The following FRMD6 variants were observed in gnomAD, a reference collection of about 807,000 sequenced individuals.
FRMD6 encodes FERM domain-containing protein 6.
In FRMD6, 37 loss-of-function variants were observed where a neutral mutation model predicts 73.2. The observed-to-expected ratio is 0.51, with a 90% confidence interval of 0.39 to 0.66. The LOEUF is 0.66. Ranked by LOEUF, FRMD6 falls within the 30% of genes least tolerant of loss-of-function variation. FRMD6 has a pLI of 0.00. For synonymous variants in FRMD6, 273 were observed against 282.2 expected, an observed-to-expected ratio of 0.97 and a Z score of 0.33; for missense variants, 714 against 780.5, an observed-to-expected ratio of 0.91 and a Z score of 1.02.
intron 1 of FRMD6, among the ~76,000 whole-genome samples, chr14:51,547,132 CCA>C (rs1388324398): frequency 1.3e-5 from 2 of 151,932 alleles, no homozygotes; most frequent in Non-Finnish European, 2.9e-5. Context: ...TTTAAAAATT[CCA>C]CAGTGTTTTG....
At chr14:51,423,337 G>A in the FRMD6 span, among the ~76,000 whole-genome samples, 3 of 152,208 alleles carry the variant, frequency 2.0e-5, no homozygotes, top group Non-Finnish European at 4.4e-5. Flanking sequence ...ACTGTCTGAA[G>A]GATCCACGCA....
At chr14:51,589,837 G>A (rs1031990034) in intron 2 of FRMD6, among the ~76,000 whole-genome samples, 4 of 152,220 alleles carry the variant, frequency 2.6e-5, no homozygotes, top group Non-Finnish European at 5.9e-5. Flanking sequence ...GGGAGGCTGA[G>A]GCGGGTGGAT....
chr14:51,702,637 CT>C, intron 5 of FRMD6, 49 bp downstream of exon 5: 2 of 1,384,278 alleles, frequency 1.4e-6, no homozygotes, highest in Non-Finnish European at 1.0e-6. Flanking sequence ...CCCCATAGCA[CT>C]TTTTCTAACA....
rs11848356 is a variant in FRMD6, at chr14:51,673,237, C to G, written c.-146-16454C>G. Among the ~76,000 whole-genome samples, 400 of 151,784 alleles carry G rather than the reference C, an allele frequency of 2.6e-3. 1 individual carries two copies. The highest frequency in any genetic ancestry group is 9.2e-3 in the African/African-American group (382 of 41,450). ...AGGAATTGTTTGACCTATTGCTTGT[C>G]GAAGATTCTTTCCTCTGCCTTGTGG... On this transcript the variant is annotated intron_variant, in intron 1 of 13. Transcript: ENST00000344768.
At chr14:51,469,440 C>T in the FRMD6 span, among the ~76,000 whole-genome samples, 1 of 150,274 alleles carries the variant, frequency 6.7e-6, no homozygotes, top group Admixed American at 6.6e-5. Context: ...GGTGAAACCC[C>T]ATCTCTACTA....
intron 1 of FRMD6, among the ~76,000 whole-genome samples, chr14:51,687,988 G>A (rs1895284598): frequency 6.6e-6 from 1 of 152,134 alleles, no homozygotes; most frequent in Non-Finnish European, 1.5e-5. Flanking sequence ...TGGAGATTCT[G>A]TATGAATAGA....
intron 1 of FRMD6, among the ~76,000 whole-genome samples, chr14:51,676,137 G>A (rs1894373075): frequency 1.3e-5 from 2 of 151,956 alleles, no homozygotes; most frequent in African/African-American, 2.4e-5. Context: ...ATCCCATTAA[G>A]GAAAAGCACA....
At chr14:51,482,025 G>A in the FRMD6 span, among the ~76,000 whole-genome samples, 1 of 152,150 alleles carries the variant, frequency 6.6e-6, no homozygotes, top group Non-Finnish European at 1.5e-5. Context: ...AAACCTCAGC[G>A]CTTATTGTTT....
intron 1 of FRMD6, among the ~76,000 whole-genome samples, chr14:51,534,031 T>C (rs539773524): frequency 7.4e-4 from 112 of 152,254 alleles, no homozygotes; most frequent in African/African-American, 2.5e-3. Context: ...CAGCCTTGGG[T>C]TGACTGGTTG....
At chr14:51,442,276 C>T in the FRMD6 span, among the ~76,000 whole-genome samples, 2 of 152,162 alleles carry the variant, frequency 1.3e-5, no homozygotes, top group African/African-American at 4.8e-5. Flanking sequence ...CTTGTCCTTT[C>T]TTTGCCTCCC....
rs1224546223 is a variant in FRMD6 at position 51,727,768 on chromosome 14, C to T, written c.1608C>T (p.Thr536=). The part of the protein sequence containing the change: ...LPQTICRKPK[T]STDRHSLSLD... Reference sequence around the variant, plus strand: ...AGACTATATGTCGGAAACCAAAGACCTCCACTGATCGACACAGCTTGAGCC... The same window carrying T: ...AGACTATATGTCGGAAACCAAAGACTTCCACTGATCGACACAGCTTGAGCC... The change falls in exon 14 of 14, where the codon ACC becomes ACT. Residue 536 remains threonine, a synonymous_variant. Coordinates refer to ENST00000344768, the MANE Select transcript of FRMD6 (RefSeq NM_001267046.2). 2 of 1,605,262 alleles carry T rather than the reference C, an allele frequency of 1.2e-6. No individual in the cohort carries two copies. Among genetic ancestry groups the T allele is most frequent in the African/African-American group, 1.3e-5 (1 of 74,760 alleles).
the FRMD6 span, among the ~76,000 whole-genome samples, chr14:51,458,089 T>A: frequency 0.48 from 72,321 of 152,102 alleles, 17,600 homozygotes; most frequent in East Asian, 0.66. Context: ...TCCATGTGAA[T>A]AACTTGATTC....
the FRMD6 span, among the ~76,000 whole-genome samples, chr14:51,433,423 T>C: frequency 1.6e-4 from 25 of 152,146 alleles, no homozygotes; most frequent in Admixed American, 1.4e-3. Context: ...TACTTTTAAG[T>C]GAGAAAAGTA....
the FRMD6 span, among the ~76,000 whole-genome samples, chr14:51,474,377 G>T: frequency 6.6e-6 from 1 of 152,210 alleles, no homozygotes; most frequent in African/African-American, 2.4e-5. Flanking sequence ...GGGTGGAGTG[G>T]TAGCAAAGTC....
chr14:51,536,280 C>T (rs1421712424), intron 1 of FRMD6, among the ~76,000 whole-genome samples: 1 of 151,706 alleles, frequency 6.6e-6, no homozygotes, highest in Non-Finnish European at 1.5e-5. Flanking sequence ...ATTGTAGACA[C>T]AGGGTCTCAC....
chr14:51,613,352 T>G (rs1890587136), intron 2 of FRMD6, among the ~76,000 whole-genome samples: 1 of 151,970 alleles, frequency 6.6e-6, no homozygotes. Flanking sequence ...AGAGGAGGAA[T>G]TCAAAGATGC....
At chr14:51,476,535 C>T in the FRMD6 span, among the ~76,000 whole-genome samples, 1 of 152,172 alleles carries the variant, frequency 6.6e-6, no homozygotes, top group Admixed American at 6.5e-5. Flanking sequence ...AGACCCTTCA[C>T]CAATACTCTG....
intron 1 of FRMD6, among the ~76,000 whole-genome samples, chr14:51,513,336 A>G (rs981774901): frequency 5.3e-5 from 8 of 152,214 alleles, no homozygotes; most frequent in Admixed American, 1.3e-4. Context: ...CAGCTGGCAC[A>G]TTGGGTGACT....
In FRMD6 at chr14:51,722,025, G is replaced by T. The variant is rs1897648289; in HGVS notation, c.1437G>T (p.Met479Ile). The change falls in exon 12 of 14, where the codon ATG becomes ATT. Residue 479 changes from methionine (M) to isoleucine (I), a missense_variant. Transcript: ENST00000344768. Reference protein sequence around the residue: ...NEESLEVSPDMCIYITEDMLM... With the variant: ...NEESLEVSPDICIYITEDMLM... ...AGTCTCTGGAAGTCAGCCCAGACAT[G>T]TGCATCTACATCACAGAGGACATGC... The T allele has an allele frequency of 3.1e-6, 5 of 1,614,154 alleles. No individual in the cohort carries two copies. The highest frequency in any genetic ancestry group is 4.2e-6 in the Non-Finnish European group (5 of 1,180,014).
Sources: allele counts gnomAD v4.1 joint callset (sites outside exome capture counted in the v4.1 genomes callset), GRCh38; gene constraint gnomAD v4.1.1; transcripts MANE v1.5; gene names NCBI Gene and HGNC (gene_info 2026-07-23, HGNC 2026-07-21).